Variants in AKT3 observed in about 807,000 individuals in gnomAD.
AKT3 encodes the protein RAC-gamma serine/threonine-protein kinase.
Under a neutral mutation model 65.3 loss-of-function variants are expected in AKT3, and 15 were observed. The observed-to-expected ratio is 0.23, with a 90% confidence interval of 0.15 to 0.35. The LOEUF (loss-of-function observed/expected upper bound fraction) is 0.35, where lower values mean the gene tolerates loss of function less well. AKT3 is among the 10% of genes least tolerant of loss of function. AKT3 has a pLI of 1.00. For missense variants in AKT3, 243 were observed against 576.5 expected, an observed-to-expected ratio of 0.42 and a Z score of 5.92; for synonymous variants, 206 against 183.8, an observed-to-expected ratio of 1.12 and a Z score of -0.98.
At chr1:243,686,643 A>T (rs1684324274) in intron 3 of AKT3, among the ~76,000 whole-genome samples, 2 of 20,368 alleles carry the variant, frequency 9.8e-5, no homozygotes, top group Non-Finnish European at 2.4e-4. Context: ...ATATATATAT[A>T]TATATATATT....
intron 3 of AKT3, among the ~76,000 whole-genome samples, chr1:243,671,301 C>A (rs913563213): frequency 9.2e-5 from 14 of 151,986 alleles, no homozygotes; most frequent in Non-Finnish European, 1.3e-4. Flanking sequence ...GATGGTCTCT[C>A]GATTTCCTGA....
rs1671117704 is a variant in AKT3, at chr1:243,526,778, T to TAAAAAAAAAAAAAAAAAAAAAAAAAA, written c.1252-14353_1252-14352insTTTTTTTTTTTTTTTTTTTTTTTTTT. Among the ~76,000 whole-genome samples, 11 of 55,726 alleles carry TAAAAAAAAAAAAAAAAAAAAAAAAAA rather than the reference T, an allele frequency of 2.0e-4. 3 individuals carry two copies. The highest frequency in any genetic ancestry group is 4.2e-4 in the African/African-American group (7 of 16,498). The allele number at this position is 55,726 out of a possible 152,430, so 36.6% of individuals were successfully genotyped here. ...TTGCCAGCTGCACTACAAAAAATGG[T>TAAAAAAAAAAAAAAAAAAAAAAAAAA]TAAAAAAAAAAAAAAAAAAAAAAAA... On this transcript the variant is annotated intron_variant, in intron 12 of 13. Coordinates refer to ENST00000673466, the MANE Select transcript of AKT3 (RefSeq NM_005465.7).
chr1:243,556,940 A>G (rs551762545), intron 10 of AKT3, among the ~76,000 whole-genome samples: 2 of 152,266 alleles, frequency 1.3e-5, no homozygotes, highest in South Asian at 2.1e-4. Context: ...ATATTTTATA[A>G]CTATTTCTCA....
intron 2 of AKT3, among the ~76,000 whole-genome samples, chr1:243,815,965 T>C (rs1693495024): frequency 6.6e-6 from 1 of 152,164 alleles, no homozygotes; most frequent in African/African-American, 2.4e-5. Flanking sequence ...ATTAGTATTT[T>C]CAATACAATA....
At chr1:243,782,540 C>G (rs888933614) in intron 2 of AKT3, among the ~76,000 whole-genome samples, 1 of 152,116 alleles carries the variant, frequency 6.6e-6, no homozygotes, top group African/African-American at 2.4e-5. Context: ...TCACCCAAAG[C>G]CCCTTTTCTT....
intron 13 of AKT3, among the ~76,000 whole-genome samples, 168 bp from the exon 14 acceptor site, chr1:243,505,502 C>A (rs1342624103): frequency 6.6e-5 from 10 of 152,132 alleles, no homozygotes; most frequent in Non-Finnish European, 1.3e-4. Flanking sequence ...CAAAAATCAT[C>A]TGATTTTCAT....
At chr1:243,578,686 AAAAAT>A (rs1675123598) in intron 8 of AKT3, among the ~76,000 whole-genome samples, 1 of 152,202 alleles carries the variant, frequency 6.6e-6, no homozygotes, top group Non-Finnish European at 1.5e-5. Flanking sequence ...CCTGGAACTT[AAAAAT>A]AAAATAAAAT....
intron 12 of AKT3, among the ~76,000 whole-genome samples, chr1:243,524,143 G>A (rs1184892531): frequency 2.6e-5 from 4 of 152,228 alleles, no homozygotes; most frequent in Non-Finnish European, 5.9e-5. Flanking sequence ...TGTAGAAAAA[G>A]TACAGTAGAA....
At chr1:243,795,689 T>C (rs1383065106) in intron 2 of AKT3, among the ~76,000 whole-genome samples, 1 of 151,584 alleles carries the variant, frequency 6.6e-6, no homozygotes, top group Non-Finnish European at 1.5e-5. Context: ...GCCGGGATGG[T>C]CTCGATCTCC....
intron 11 of AKT3, among the ~76,000 whole-genome samples, chr1:243,550,958 C>CAAAAAAAAAAAAAAAAAA (rs60047036): frequency 5.7e-5 from 1 of 17,544 alleles, no homozygotes; most frequent in African/African-American, 2.0e-4. Context: ...GACTCCCTCT[C>CAAAAAAAAAAAAAAAAAA]AAAAAAAAAA....
At chr1:243,691,630 G>A (rs953546038) in intron 3 of AKT3, among the ~76,000 whole-genome samples, 8 of 152,118 alleles carry the variant, frequency 5.3e-5, no homozygotes, top group African/African-American at 1.7e-4. Flanking sequence ...AAAAAGGCAT[G>A]GAAAGGATCC....
chr1:243,591,075 C>T (rs1196910351), intron 8 of AKT3, among the ~76,000 whole-genome samples: 1 of 152,090 alleles, frequency 6.6e-6, no homozygotes, highest in Middle Eastern at 3.2e-3. Context: ...ACCAAGGTAT[C>T]TAGAATTCAT....
rs568844319 is a variant in AKT3, at chr1:243,811,770, T to G, written c.46+31355A>C. Among the ~76,000 whole-genome samples the G allele has an allele frequency of 5.3e-5, 8 of 152,268 alleles. No homozygotes were observed. In the East Asian group the frequency reaches 1.2e-3, roughly 22 times the overall value. ...GGCATCATACTACCTGTCTTCAAAT[T>G]ATACTACAAGGCTACAGTAACCAAA... On this transcript the variant is annotated intron_variant, in intron 2 of 13. Coordinates refer to ENST00000673466, the MANE Select transcript of AKT3 (RefSeq NM_005465.7).
At chr1:243,686,128 A>T (rs1684273503) in intron 3 of AKT3, among the ~76,000 whole-genome samples, 1 of 152,212 alleles carries the variant, frequency 6.6e-6, no homozygotes, top group African/African-American at 2.4e-5. Context: ...ATGGAAAAAC[A>T]TTCCATGCTC....
At chr1:243,848,986 A>C (rs892872994) in intron 1 of AKT3, among the ~76,000 whole-genome samples, 1 of 152,190 alleles carries the variant, frequency 6.6e-6, no homozygotes, top group Non-Finnish European at 1.5e-5. Context: ...TCAGAACATA[A>C]ACAGTAAATA....
chr1:243,518,054 A>C (rs997395206), intron 12 of AKT3, among the ~76,000 whole-genome samples: 2 of 152,258 alleles, frequency 1.3e-5, no homozygotes, highest in Non-Finnish European at 2.9e-5. Context: ...TGGCTTGCCA[A>C]AAATTATACG....
At chr1:243,687,154 C>T (rs1259768724) in intron 3 of AKT3, among the ~76,000 whole-genome samples, 2 of 152,074 alleles carry the variant, frequency 1.3e-5, no homozygotes, top group African/African-American at 4.8e-5. Context: ...TCCAGTATAC[C>T]AGATATTGTA....
intron 10 of AKT3, 64 bp from the exon 11 acceptor site, chr1:243,553,007 A>C: frequency 7.8e-7 from 1 of 1,281,376 alleles, no homozygotes. Flanking sequence ...TTATTCATAA[A>C]ACATAAGATT....
At chr1:243,767,665 A>G (rs1191867212) in intron 2 of AKT3, among the ~76,000 whole-genome samples, 1 of 152,118 alleles carries the variant, frequency 6.6e-6, no homozygotes, top group Non-Finnish European at 1.5e-5. Context: ...CATATGATAC[A>G]GTATCTGAGA....
Sources: gnomAD v4.1 joint callset for allele counts (sites outside exome capture counted in the v4.1 genomes callset) on GRCh38, gnomAD v4.1.1 for gene constraint, MANE v1.5 for transcripts, NCBI Gene and HGNC (gene_info 2026-07-23, HGNC 2026-07-21) for gene names.